Variants in TRPM6 observed in about 807,000 individuals in gnomAD.
The protein encoded by TRPM6 is channel kinase 2.
A neutral mutation model predicts 247.6 loss-of-function variants in TRPM6; 111 were observed. That is an observed-to-expected ratio of 0.45 (90% CI 0.38 to 0.52). The LOEUF (loss-of-function observed/expected upper bound fraction) is 0.52. TRPM6 is among the 20% of genes least tolerant of loss of function. The probability of loss-of-function intolerance (pLI) is 0.00; values close to 1 mark genes in which losing one functional copy is unlikely to be tolerated. For missense variants in TRPM6, 2,126 were observed against 2,421.5 expected, an observed-to-expected ratio of 0.88 and a Z score of 2.56; for synonymous variants, 892 against 853.8, an observed-to-expected ratio of 1.04 and a Z score of -0.78.
At chr9:74,880,080 A>G (rs1831315138) in intron 1 of TRPM6, among the ~76,000 whole-genome samples, 1 of 152,136 alleles carries the variant, frequency 6.6e-6, no homozygotes, top group South Asian at 2.1e-4. Flanking sequence ...CATATTTGTC[A>G]CAGGAGTCCT....
intron 5 of TRPM6, among the ~76,000 whole-genome samples, chr9:74,839,466 G>A (rs543631774): frequency 2.0e-4 from 30 of 152,192 alleles, no homozygotes; most frequent in African/African-American, 6.0e-4. Flanking sequence ...CCCAAAACAC[G>A]CAATGCAAGT....
intron 1 of TRPM6, among the ~76,000 whole-genome samples, chr9:74,886,168 T>G (rs759515839): frequency 6.6e-6 from 1 of 152,204 alleles, no homozygotes; most frequent in Non-Finnish European, 1.5e-5. Flanking sequence ...CAAGACAAGT[T>G]TAACACTACC....
intron 23 of TRPM6, among the ~76,000 whole-genome samples, chr9:74,780,766 T>C (rs1827409749): frequency 6.6e-6 from 1 of 152,100 alleles, no homozygotes; most frequent in Admixed American, 6.5e-5. Flanking sequence ...AGTTTAGAGG[T>C]AGAGGTTCAA....
At chr9:74,826,459 A>C (rs964397318) in intron 7 of TRPM6, among the ~76,000 whole-genome samples, 3 of 152,144 alleles carry the variant, frequency 2.0e-5, no homozygotes, top group Admixed American at 2.0e-4. Context: ...TGTCCCAAGG[A>C]AGTATTTTGT....
intron 9 of TRPM6, among the ~76,000 whole-genome samples, chr9:74,818,207 C>T (rs958489970): frequency 6.7e-6 from 1 of 149,894 alleles, no homozygotes; most frequent in Non-Finnish European, 1.5e-5. Context: ...CTTTTCTTAA[C>T]TTACTGATTA....
At chr9:74,813,507 A>G (rs1828809576) in intron 11 of TRPM6, among the ~76,000 whole-genome samples, 1 of 152,230 alleles carries the variant, frequency 6.6e-6, no homozygotes, top group Non-Finnish European at 1.5e-5. Flanking sequence ...CCAGTCAGGG[A>G]ACTAGAGGAT....
intron 6 of TRPM6, among the ~76,000 whole-genome samples, chr9:74,831,531 C>T (rs1829546634): frequency 6.6e-6 from 1 of 152,046 alleles, no homozygotes; most frequent in Non-Finnish European, 1.5e-5. Flanking sequence ...CCACTAAAAG[C>T]AAACAGCCTT....
At chr9:74,863,750 A>AT (rs968232220) in intron 1 of TRPM6, among the ~76,000 whole-genome samples, 96 of 150,404 alleles carry the variant, frequency 6.4e-4, no homozygotes, top group Non-Finnish European at 9.6e-4. Flanking sequence ...CGCCCGGCTA[A>AT]TTTTTTTTTG....
At chr9:74,804,433 C>G (rs759703625) in intron 14 of TRPM6, 7 of 539,598 alleles carry the variant, frequency 1.3e-5, no homozygotes, top group Non-Finnish European at 2.3e-5. Context: ...CAAAAAGAAG[C>G]ATTCTTAAAG....
chr9:74,846,068 C>G (rs912876534), intron 3 of TRPM6, among the ~76,000 whole-genome samples: 12 of 152,094 alleles, frequency 7.9e-5, no homozygotes, highest in African/African-American at 2.9e-4. Flanking sequence ...AAATGAATAT[C>G]AAGAAGCAGA....
chr9:74,779,646 C>A (rs1461859085), intron 23 of TRPM6, among the ~76,000 whole-genome samples: 2 of 152,050 alleles, frequency 1.3e-5, no homozygotes, highest in East Asian at 3.8e-4. Flanking sequence ...CACTTGGTTT[C>A]TTTTGTCTAG....
intron 25 of TRPM6, among the ~76,000 whole-genome samples, chr9:74,768,190 T>C (rs1258537051): frequency 6.6e-6 from 1 of 152,228 alleles, no homozygotes; most frequent in Non-Finnish European, 1.5e-5. Context: ...CTTCTAGTTC[T>C]CTTTATACTC....
Position 74,802,098 on chromosome 9 carries a change from G to C in TRPM6, c.1809C>G (p.Gly603=). ...GCAGGTCATTGTAAGGGTAAAGAAAGCCAGTAGACTCAGGGTCATCTGATA... is the reference window on the plus strand; with the variant it reads ...GCAGGTCATTGTAAGGGTAAAGAAACCCAGTAGACTCAGGGTCATCTGATA... ...QNVSDDPEST[G]FLYPYNDLLV... The change falls in exon 16 of 39, where the codon GGC becomes GGG. Residue 603 remains glycine, a synonymous_variant. Coordinates refer to ENST00000360774, the MANE Select transcript of TRPM6 (RefSeq NM_017662.5). The C allele has an allele frequency of 6.2e-7, 1 of 1,614,118 alleles. No individual in the cohort carries two copies. Among genetic ancestry groups the C allele is most frequent in the Non-Finnish European group, 8.5e-7 (1 of 1,180,008 alleles).
rs114153995 is a variant in TRPM6, at chr9:74,886,668, A to C, written c.33+1156T>G. On this transcript the variant is annotated intron_variant, in intron 1 of 38. Transcript: ENST00000360774. ...ACTTGGACTTTATAGGATTACTGCC[A>C]GGATGAAATAGTTAAGAATCCCAAA... Among the ~76,000 whole-genome samples the C allele has an allele frequency of 9.3e-3, 1,424 of 152,328 alleles. 30 individuals are homozygous for C. Among genetic ancestry groups the C allele is most frequent in the African/African-American group, 0.033 (1,360 of 41,558 alleles).
chr9:74,759,221 T>C (rs1416745482), intron 27 of TRPM6, among the ~76,000 whole-genome samples: 1 of 152,140 alleles, frequency 6.6e-6, no homozygotes, highest in Non-Finnish European at 1.5e-5. Context: ...ATTCTATTCA[T>C]AATCCCAGTC....
chr9:74,798,769 A>C (rs1828192699), intron 17 of TRPM6, among the ~76,000 whole-genome samples: 1 of 152,224 alleles, frequency 6.6e-6, no homozygotes. Flanking sequence ...TGTTTACTGC[A>C]GCTTAGAGAC....
Position 74,782,733 on chromosome 9 carries a change from C to A in TRPM6, c.3040G>T (p.Val1014Leu). 1 of 1,614,166 alleles carries A rather than the reference C, an allele frequency of 6.2e-7. No individual in the cohort carries two copies. The highest frequency in any genetic ancestry group is 8.5e-7 in the Non-Finnish European group (1 of 1,180,018). Reference protein sequence around the residue: ...PPSWSLARDIVFEPYWMIYGE... With the variant: ...PPSWSLARDILFEPYWMIYGE... ...TATATCATCCAGTATGGCTCAAATA[C>A]AATATCTCGAGCTAGACTCCAAGAT... Residue 1014 changes from valine (V) to leucine (L), a missense_variant, in exon 22 of 39, where the codon GTA becomes TTA. Around this residue, in one of 3 missense-constraint regions of TRPM6, gnomAD observed 1,082 missense variants for 1,307.9 expected, o/e 0.83. Coordinates refer to ENST00000360774, the MANE Select transcript of TRPM6 (RefSeq NM_017662.5).
At chr9:74,725,709 C>T (rs1301011590) in intron 38 of TRPM6, among the ~76,000 whole-genome samples, 1 of 152,198 alleles carries the variant, frequency 6.6e-6, no homozygotes, top group Non-Finnish European at 1.5e-5. Context: ...CTCCTCCTTG[C>T]CTTCTGCCAT....
intron 38 of TRPM6, among the ~76,000 whole-genome samples, chr9:74,726,821 C>T (rs1195789690): frequency 6.6e-6 from 1 of 152,124 alleles, no homozygotes; most frequent in African/African-American, 2.4e-5. Context: ...TCCAGAGGGC[C>T]CTTACCTGGA....
Sources: gnomAD v4.1 joint callset for allele counts (sites outside exome capture counted in the v4.1 genomes callset) on GRCh38, gnomAD v4.1.1 for gene constraint, gnomAD v4.1.1 regional missense constraint, MANE v1.5 for transcripts, NCBI Gene and HGNC (gene_info 2026-07-23, HGNC 2026-07-21) for gene names.